MEF2B: variants seen among roughly 807,000 people sequenced by gnomAD.
MEF2B encodes myocyte enhancer factor 2B, also known as myocyte-specific enhancer factor 2B.
Under a neutral mutation model 32.2 loss-of-function variants are expected in MEF2B, and 15 were observed. The observed-to-expected ratio is 0.47, with a 90% CI of 0.31 to 0.72. The LOEUF is 0.72. Ranked by LOEUF, MEF2B falls within the 30% of genes least tolerant of loss-of-function variation. The probability of loss-of-function intolerance (pLI) is 0.05; values close to 1 mark genes in which losing one functional copy is unlikely to be tolerated. For missense variants in MEF2B, 441 were observed against 511.5 expected (o/e 0.86, Z 1.33); for synonymous variants, 205 against 225.6 (o/e 0.91, Z 0.82).
Position 19,146,851 on chromosome 19 carries a change from G to A in MEF2B, c.566C>T (p.Pro189Leu). The A allele has an allele frequency of 6.2e-7, 1 of 1,613,292 alleles. No homozygotes were observed. Among genetic ancestry groups the A allele is most frequent in the Non-Finnish European group, 8.5e-7 (1 of 1,179,830 alleles). ...TGGTGTCTTGCTGGTGAGGTGGCTT[G>A]GTGAGAAGAGAGGGTGCACCAGGCC... ...PPGLVHPLFS[P>L]SHLTSKTPPP... The change falls in exon 6 of 9, where the codon CCA (proline) becomes CTA (leucine). Residue 189 changes from proline (P) to leucine (L), a missense_variant. Physicochemically the swap from Pro to Leu is moderately conservative, Grantham distance 98. Around this residue, in one of 2 missense-constraint regions of MEF2B, gnomAD observed 326 missense variants for 328.4 expected, o/e 0.99. Transcript: ENST00000424583.
chr19:19,149,101 A>G lies in MEF2B; in HGVS notation c.258+125T>C, dbSNP rs564953668. On this transcript the variant is annotated intron_variant, in intron 3 of 8. Transcript: ENST00000424583. ...AGGGTCCCTTCTAGGGACAGCAGAA[A>G]TAAAGCACGTCAGCCACAAAGCCAG... 153 of 1,278,996 alleles carry G rather than the reference A, an allele frequency of 1.2e-4. No individual in the cohort carries two copies. In the East Asian group the frequency reaches 1.3e-3, roughly 11 times the overall value. The allele number at this position is 1,278,996 out of a possible 1,614,324, so 79.2% of individuals were successfully genotyped here. A position where few individuals can be genotyped will look rare whatever the true frequency, so the allele number is the denominator to read the frequency against.
rs1390231022 is a variant in MEF2B, at chr19:19,146,046, G to A, written c.882-24C>T. The A allele has an allele frequency of 3.5e-6, 5 of 1,411,842 alleles. No homozygotes were observed. In the East Asian group the frequency reaches 1.1e-4, roughly 31 times the overall value. The allele number at this position is 1,411,842 out of a possible 1,614,324, so 87.5% of individuals were successfully genotyped here. A position where few individuals can be genotyped will look rare whatever the true frequency, so the allele number is the denominator to read the frequency against. On this transcript the variant is annotated intron_variant, in intron 8 of 8. Transcript: ENST00000424583. ...CACTGCAGGGGGAAAGAGAGAGGGAGGCCGTGAGCTCAGCGAGGAAGGGAA... is the reference window on the plus strand; with the variant it reads ...CACTGCAGGGGGAAAGAGAGAGGGAAGCCGTGAGCTCAGCGAGGAAGGGAA...
At chr19:19,157,082 C>A in intron 1 of MEF2B, 1 of 253,230 alleles carries the variant, frequency 3.9e-6, no homozygotes, top group Non-Finnish European at 8.7e-6. Flanking sequence ...CCCAGGAGTT[C>A]AAGGTTACAG....
intron 1 of MEF2B, among the ~76,000 whole-genome samples, chr19:19,154,270 T>A (rs1328553292): frequency 6.6e-6 from 1 of 152,090 alleles, no homozygotes; most frequent in Non-Finnish European, 1.5e-5. Context: ...TTCAAGTGAT[T>A]CTTCTGCCTC....
chr19:19,161,892 C>T (rs1016896274), intron 1 of MEF2B, among the ~76,000 whole-genome samples: 2 of 151,916 alleles, frequency 1.3e-5, no homozygotes, highest in Admixed American at 6.6e-5. Flanking sequence ...CCTGCAACCC[C>T]TGCCTCCTGG....
chr19:19,162,694 G>T (rs1599733654), intron 1 of MEF2B, among the ~76,000 whole-genome samples: 1 of 152,188 alleles, frequency 6.6e-6, no homozygotes, highest in African/African-American at 2.4e-5. Context: ...CTGTTCGAGG[G>T]GCAGGAGTCC....
chr19:19,166,998 A>G (rs568987901), intron 1 of MEF2B, among the ~76,000 whole-genome samples: 2 of 152,020 alleles, frequency 1.3e-5, no homozygotes, highest in African/African-American at 4.8e-5. Context: ...GAGTACAGGA[A>G]TTCACGACCA....
Position 19,145,718 on chromosome 19 carries a change from G to A in MEF2B, c.*79C>T, listed in dbSNP as rs1376553706. On this transcript the variant is annotated 3_prime_UTR_variant, in exon 9 of 9. Transcript: ENST00000424583. The surrounding 1 kb of genome is among the most constrained non-coding windows in gnomAD (Gnocchi z 4.6). ...GTCACTGTTGGGTCTTCTCTGAAGA[G>A]GCCTGGAGGGAGGTGGGGTCCCCAC... 1 of 1,556,250 alleles carries A rather than the reference G, an allele frequency of 6.4e-7. No homozygotes were observed. Among genetic ancestry groups the A allele is most frequent in the East Asian group, 2.4e-5 (1 of 42,060 alleles).
At chr19:19,155,519 T>C (rs767480658) in intron 1 of MEF2B, among the ~76,000 whole-genome samples, 3 of 152,114 alleles carry the variant, frequency 2.0e-5, no homozygotes, top group Admixed American at 6.6e-5. Flanking sequence ...TCAACAGAGA[T>C]GTCACTGACC....
At position 19,150,158 on chromosome 19, in the gene MEF2B, GGGAGGGAGGGAA is replaced by G. The variant is rs1462624152; in HGVS notation, c.54+512_54+523del. The stretch of plus-strand genomic sequence containing the variant: ...AAGGAGGGAAGGAGGGAGGGAAGGA[GGGAGGGAGGGAA>G]GGAGGGAGGGAGGGAAGGAAGGAAG... On this transcript the variant is annotated intron_variant, in intron 2 of 8. Transcript: ENST00000424583. Among the ~76,000 whole-genome samples the G allele has an allele frequency of 1.2e-3, 165 of 132,574 alleles. 1 individual carries two copies. Among genetic ancestry groups the G allele is most frequent in the Middle Eastern group, 8.1e-3 (2 of 246 alleles). The allele number at this position is 132,574 out of a possible 152,430, so 87.0% of individuals were successfully genotyped here. A position where few individuals can be genotyped will look rare whatever the true frequency, so the allele number is the denominator to read the frequency against.
rs1357865782 is a variant in MEF2B at position 19,147,757 on chromosome 19, T to A, written c.334A>T (p.Lys112Ter). 1.9e-6 allele frequency: 3 copies of A among 1,613,936 alleles called. No homozygotes were observed. The highest frequency in any genetic ancestry group is 2.5e-6 in the Non-Finnish European group (3 of 1,179,988). The change falls in exon 4 of 9, where the codon AAG becomes TAG. Residue 112 changes from lysine to a stop codon, truncating the protein, a stop_gained. Coordinates refer to ENST00000424583, the MANE Select transcript of MEF2B (RefSeq NM_001145785.2). LOFTEE classifies it high-confidence loss of function. ...PDEGPEEPGEKFRRLAGEGGD... is the reference protein window; with the variant it reads ...PDEGPEEPGE ...CCTTCGCCTGCCAGCCTCCGAAACT[T>A]CTCTCCTGGCTCCTCAGGCCCTTCA...
chr19:19,168,593 TC>T lies in MEF2B; in HGVS notation c.-30+1611del, dbSNP rs1398666260. ...TGGCCATTTTTTTGTTTCTTTTCTT[TC>T]TTTTTGTTTTTCTTTTAGAGACAGG... On this transcript the variant is annotated intron_variant, in intron 1 of 8. Coordinates refer to ENST00000424583, the MANE Select transcript of MEF2B (RefSeq NM_001145785.2). Among the ~76,000 whole-genome samples, 176 of 151,340 alleles carry T rather than the reference TC, an allele frequency of 1.2e-3. 2 individuals are homozygous for T. The highest frequency in any genetic ancestry group is 2.0e-3 in the Non-Finnish European group (137 of 67,812).
intron 1 of MEF2B, among the ~76,000 whole-genome samples, chr19:19,161,428 T>C (rs114919641): frequency 0.027 from 4,046 of 152,082 alleles, 162 homozygotes; most frequent in African/African-American, 0.077. Flanking sequence ...GTATTCCTCC[T>C]GCGAAAGTCC....
chr19:19,147,165 G>A lies in MEF2B; in HGVS notation c.412C>T (p.Pro138Ser), dbSNP rs1351190939. 6.3e-7 allele frequency: 1 copy of A among 1,582,412 alleles called. No individual in the cohort carries two copies. The highest frequency in any genetic ancestry group is 2.3e-5 in the East Asian group (1 of 43,490). Residue 138 changes from proline to serine, a missense_variant, in exon 5 of 9, where the codon CCC becomes TCC. By Grantham distance (74) the Pro-to-Ser change is moderately conservative. Transcript: ENST00000424583. ...PRLYPAAPAM[P>S]SPDVVYGALP... ...GCCCCGTATACCACATCTGGGCTGGGCATAGCAGGAGCTGCAGGCTGTGGG... is the reference window on the plus strand; with the variant it reads ...GCCCCGTATACCACATCTGGGCTGGACATAGCAGGAGCTGCAGGCTGTGGG...
At chr19:19,148,406 G>A (rs1172879043) in intron 3 of MEF2B, among the ~76,000 whole-genome samples, 10 of 152,082 alleles carry the variant, frequency 6.6e-5, no homozygotes, top group African/African-American at 1.9e-4. Flanking sequence ...CGGAGGTTGC[G>A]GTGAGCTGAA....
intron 1 of MEF2B, among the ~76,000 whole-genome samples, chr19:19,152,383 A>AAAAAAAC: frequency 6.9e-6 from 1 of 145,826 alleles, no homozygotes; most frequent in Non-Finnish European, 1.5e-5. Context: ...TCTGTCTCAA[A>AAAAAAAC]AAAAAAAAAG....
chr19:19,153,081 C>G (rs1279702905), intron 1 of MEF2B, among the ~76,000 whole-genome samples: 1 of 152,218 alleles, frequency 6.6e-6, no homozygotes, highest in Non-Finnish European at 1.5e-5. Flanking sequence ...GTCCGGAGGT[C>G]CCAGGGCCAA....
At chr19:19,169,950 A>G (rs766035797) in intron 1 of MEF2B, among the ~76,000 whole-genome samples, 1 of 151,914 alleles carries the variant, frequency 6.6e-6, no homozygotes, top group African/African-American at 2.4e-5. Context: ...CAACTCCCCA[A>G]CTCACACCAA....
intron 2 of MEF2B, among the ~76,000 whole-genome samples, chr19:19,149,809 G>T (rs1004218802): frequency 6.6e-6 from 1 of 152,086 alleles, no homozygotes; most frequent in African/African-American, 2.4e-5. Context: ...GCCAGGTGCG[G>T]TGGCTCAGCC....
Sources: gnomAD v4.1 joint callset for allele counts (sites outside exome capture counted in the v4.1 genomes callset) on GRCh38, gnomAD v4.1.1 for gene constraint, gnomAD v4.1.1 regional missense constraint, Gnocchi (gnomAD v3.1) non-coding constraint, MANE v1.5 for transcripts, NCBI Gene and HGNC (gene_info 2026-07-23, HGNC 2026-07-21) for gene names.